Variants in LYPD6 observed in about 807,000 individuals in gnomAD.
LYPD6 encodes the protein ly6/PLAUR domain-containing protein 6.
Under a neutral mutation model 22.7 loss-of-function variants are expected in LYPD6, and 15 were observed. The observed-to-expected ratio is 0.66, with a 90% CI of 0.44 to 1.02. LYPD6 has a LOEUF of 1.02. Among genes scored for constraint, LYPD6 ranks in the 50% least tolerant of loss-of-function variants. The pLI is 0.00. For synonymous variants in LYPD6, 72 were observed against 77.5 expected (o/e 0.93, Z 0.37); for missense variants, 189 against 208.4 (o/e 0.91, Z 0.57).
intron 1 of LYPD6, among the ~76,000 whole-genome samples, chr2:149,392,641 T>G (rs951879323): frequency 6.6e-6 from 1 of 152,186 alleles, no homozygotes; most frequent in Admixed American, 6.5e-5. Context: ...GAATATCTGT[T>G]GTTTTGAAAT....
Position 149,470,981 on chromosome 2 carries a change from C to A in LYPD6, c.*131C>A. The stretch of plus-strand genomic sequence containing the variant: ...ACTCTTGGAGGTCATCACAGCCAAG[C>A]ATTGCCACTTACCATGAGGAATAAA... On this transcript the variant is annotated 3_prime_UTR_variant, in exon 5 of 5. Coordinates refer to ENST00000334166, the MANE Select transcript of LYPD6 (RefSeq NM_194317.5). 1.3e-6 allele frequency: 1 copy of A among 776,422 alleles called. No homozygotes were observed. The allele number at this position is 776,422 out of a possible 1,614,324, so 48.1% of individuals were successfully genotyped here.
chr2:149,394,455 G>A (rs1445703037), intron 1 of LYPD6, among the ~76,000 whole-genome samples: 1 of 152,060 alleles, frequency 6.6e-6, no homozygotes, highest in Non-Finnish European at 1.5e-5. Context: ...CACCAACTTG[G>A]CATCCATTTT....
intron 1 of LYPD6, among the ~76,000 whole-genome samples, chr2:149,411,574 G>T (rs1682849505): frequency 6.6e-6 from 1 of 152,170 alleles, no homozygotes; most frequent in Non-Finnish European, 1.5e-5. Context: ...TGGGTTGGCA[G>T]TGTGGGGTGC....
chr2:149,367,790 G>C (rs72863910), intron 1 of LYPD6: 1 of 152,128 alleles, frequency 6.6e-6, no homozygotes, highest in Non-Finnish European at 1.5e-5. Context: ...AGAAAGAAGA[G>C]GCTTCCGAGC....
At chr2:149,407,731 C>G (rs978433313) in intron 1 of LYPD6, among the ~76,000 whole-genome samples, 2 of 152,216 alleles carry the variant, frequency 1.3e-5, no homozygotes, top group Non-Finnish European at 2.9e-5. Flanking sequence ...CTTCTCTCAA[C>G]TTGTGAAAGT....
chr2:149,331,914 G>A (rs910385579), intron 1 of LYPD6, among the ~76,000 whole-genome samples: 2 of 152,180 alleles, frequency 1.3e-5, no homozygotes, highest in African/African-American at 4.8e-5. Context: ...TATTATTAGA[G>A]CAATTCCCTT....
chr2:149,332,113 A>G (rs1680950288), intron 1 of LYPD6, among the ~76,000 whole-genome samples: 1 of 152,264 alleles, frequency 6.6e-6, no homozygotes, highest in South Asian at 2.1e-4. Flanking sequence ...AAACCCATTT[A>G]AATGTAAAAC....
rs1379397488 is a variant in LYPD6 at position 149,444,651 on chromosome 2, C to T, written c.119-4398C>T. 3.9e-5 allele frequency among the ~76,000 whole-genome samples: 6 copies of T among 151,964 alleles called. No individual in the cohort carries two copies. In the East Asian group the frequency reaches 7.7e-4, roughly 20 times the overall value. On this transcript the variant is annotated intron_variant, in intron 2 of 4. Transcript: ENST00000334166. ...CAGGAGTAGATTCCATCTCAAGAAA[C>T]GGCTTTTTTTTTTGCTCGTTCATAA...
chr2:149,356,733 G>C (rs1376142650), intron 1 of LYPD6, among the ~76,000 whole-genome samples: 1 of 152,152 alleles, frequency 6.6e-6, no homozygotes, highest in Non-Finnish European at 1.5e-5. Context: ...CTCACAATCT[G>C]CTTGGCCAAG....
rs191194239 is a variant in LYPD6 at position 149,470,023 on chromosome 2, G to C, written c.349-660G>C. Among the ~76,000 whole-genome samples the C allele has an allele frequency of 2.7e-3, 414 of 152,302 alleles. 1 individual carries two copies. Among genetic ancestry groups the C allele is most frequent in the Non-Finnish European group, 4.9e-3 (336 of 68,020 alleles). ...GGGCAAGGTTTGAGATTCTGCACTT[G>C]TAACAAACTCCCAGCTGATGTTGGA... On this transcript the variant is annotated intron_variant, in intron 4 of 4. Coordinates refer to ENST00000334166, the MANE Select transcript of LYPD6 (RefSeq NM_194317.5).
intron 4 of LYPD6, among the ~76,000 whole-genome samples, chr2:149,469,956 AC>A: frequency 6.6e-6 from 1 of 152,160 alleles, no homozygotes; most frequent in Non-Finnish European, 1.5e-5. Context: ...ACTAGGAATC[AC>A]CTGGGAATCT....
intron 1 of LYPD6, among the ~76,000 whole-genome samples, chr2:149,387,510 G>T (rs115033782): frequency 6.6e-6 from 1 of 152,142 alleles, no homozygotes; most frequent in Non-Finnish European, 1.5e-5. Flanking sequence ...TTACTTCATG[G>T]GAAGTGCTGT....
At chr2:149,419,831 TGTGTG>T (rs1683041149) in intron 1 of LYPD6, among the ~76,000 whole-genome samples, 1 of 79,844 alleles carries the variant, frequency 1.3e-5, no homozygotes, top group Non-Finnish European at 2.3e-5. Context: ...GTGCTCAGGG[TGTGTG>T]TGTGTGTGTG....
chr2:149,386,811 A>T (rs1365073473), intron 1 of LYPD6, among the ~76,000 whole-genome samples: 1 of 152,236 alleles, frequency 6.6e-6, no homozygotes, highest in Non-Finnish European at 1.5e-5. Context: ...CAGATGGCTG[A>T]CAGTGGGCCT....
rs1682699077 is a variant in LYPD6 at position 149,406,095 on chromosome 2, G to A, written c.-71-31543G>A. The stretch of plus-strand genomic sequence containing the variant: ...CTAGTTTGATTGCACTGTGGTCTGA[G>A]AGACAGTTTGTTATAATCTCTGTTC... On this transcript the variant is annotated intron_variant, in intron 1 of 4. Coordinates refer to ENST00000334166, the MANE Select transcript of LYPD6 (RefSeq NM_194317.5). 2.0e-5 allele frequency among the ~76,000 whole-genome samples: 3 copies of A among 150,786 alleles called. No homozygotes were observed. The South Asian group carries it at 6.3e-4, about 32-fold the overall frequency.
At chr2:149,404,883 G>T (rs942003687) in intron 1 of LYPD6, among the ~76,000 whole-genome samples, 1 of 151,914 alleles carries the variant, frequency 6.6e-6, no homozygotes, top group Non-Finnish European at 1.5e-5. Flanking sequence ...TCATAGATAG[G>T]TCTTATTATT....
At chr2:149,385,717 G>A (rs970076245) in intron 1 of LYPD6, among the ~76,000 whole-genome samples, 1 of 152,182 alleles carries the variant, frequency 6.6e-6, no homozygotes, top group Non-Finnish European at 1.5e-5. Flanking sequence ...CTATGGCAAA[G>A]GGGGAGGGGA....
At chr2:149,382,952 A>T (rs1374588402) in intron 1 of LYPD6, among the ~76,000 whole-genome samples, 1 of 152,140 alleles carries the variant, frequency 6.6e-6, no homozygotes, top group African/African-American at 2.4e-5. Context: ...CTCCAAGGAA[A>T]ATGGTCAGAA....
At chr2:149,415,882 A>T (rs1682951342) in intron 1 of LYPD6, among the ~76,000 whole-genome samples, 2 of 151,780 alleles carry the variant, frequency 1.3e-5, no homozygotes, top group Non-Finnish European at 2.9e-5. Flanking sequence ...GTTTCTCTTC[A>T]TGTTGCCCAG....
Sources: gnomAD v4.1 joint callset for allele counts (sites outside exome capture counted in the v4.1 genomes callset) on GRCh38, gnomAD v4.1.1 for gene constraint, MANE v1.5 for transcripts, NCBI Gene and HGNC (gene_info 2026-07-23, HGNC 2026-07-21) for gene names.